ST8SIA1: variants seen among roughly 807,000 people sequenced by gnomAD.
ST8SIA1 encodes the protein ST8 alpha-N-acetyl-neuraminide alpha-2,8-sialyltransferase 1, also known as alpha-N-acetylneuraminide alpha-2,8-sialyltransferase.
Under a neutral mutation model 35.9 loss-of-function variants are expected in ST8SIA1, and 16 were observed. The ratio of observed to expected loss-of-function variants is 0.45; its 90% CI spans 0.30 to 0.68. The LOEUF (loss-of-function observed/expected upper bound fraction) is 0.68, where lower values mean the gene tolerates loss of function less well. Among genes scored for constraint, ST8SIA1 ranks in the 30% least tolerant of loss-of-function variants. ST8SIA1 has a pLI of 0.09. For synonymous variants in ST8SIA1, 170 were observed against 169.6 expected (o/e 1.00, Z -0.02); for missense variants, 383 against 453.6 (o/e 0.84, Z 1.41).
intron 2 of ST8SIA1, among the ~76,000 whole-genome samples, chr12:22,280,734 T>C (rs1433169632): frequency 6.6e-6 from 1 of 152,262 alleles, no homozygotes; most frequent in African/African-American, 2.4e-5. Context: ...TCCATTGCAC[T>C]ACCTCACTTC....
intron 2 of ST8SIA1, chr12:22,268,642 A>T (rs2135804687): frequency 6.6e-6 from 1 of 152,308 alleles, no homozygotes; most frequent in East Asian, 1.9e-4. Context: ...AGCCCGTTAT[A>T]AACCCATCAG....
intron 1 of ST8SIA1, among the ~76,000 whole-genome samples, chr12:22,294,386 AG>A (rs1866217942): frequency 6.6e-6 from 1 of 152,204 alleles, no homozygotes; most frequent in South Asian, 2.1e-4. Flanking sequence ...TATAGAGCAG[AG>A]ATTTGTATTC....
At chr12:22,321,833 GC>G (rs1481500328) in intron 1 of ST8SIA1, among the ~76,000 whole-genome samples, 1 of 152,162 alleles carries the variant, frequency 6.6e-6, no homozygotes, top group Non-Finnish European at 1.5e-5. Flanking sequence ...CTTGCTGCCG[GC>G]CCCTCCACTT....
intron 4 of ST8SIA1, among the ~76,000 whole-genome samples, chr12:22,217,263 T>C (rs1379619756): frequency 2.6e-5 from 4 of 152,218 alleles, no homozygotes; most frequent in Non-Finnish European, 4.4e-5. Flanking sequence ...TAAGTTTCTT[T>C]ATATGAAATT....
At chr12:22,309,516 T>C (rs181966771) in intron 1 of ST8SIA1, among the ~76,000 whole-genome samples, 2 of 152,204 alleles carry the variant, frequency 1.3e-5, no homozygotes, top group African/African-American at 4.8e-5. Flanking sequence ...TGAAGCTCAA[T>C]TGTACATGTA....
chr12:22,206,210 A>T (rs1313747873), intron 4 of ST8SIA1, among the ~76,000 whole-genome samples: 2 of 152,224 alleles, frequency 1.3e-5, no homozygotes, highest in Non-Finnish European at 2.9e-5. Flanking sequence ...AAAATAAAAA[A>T]GAAAGCAAAC....
At chr12:22,204,033 T>A (rs1383704550) in intron 4 of ST8SIA1, among the ~76,000 whole-genome samples, 2 of 152,166 alleles carry the variant, frequency 1.3e-5, no homozygotes, top group Admixed American at 1.3e-4. Context: ...GCTTTCTGCA[T>A]CCATCTCTCA....
intron 2 of ST8SIA1, among the ~76,000 whole-genome samples, chr12:22,285,877 CAAAA>C (rs1398352110): frequency 2.9e-5 from 3 of 103,632 alleles, no homozygotes; most frequent in African/African-American, 3.7e-5. Flanking sequence ...CTGTCAAAAA[CAAAA>C]AAAAAAAAAA....
chr12:22,204,863 A>G (rs1434712053), intron 4 of ST8SIA1, among the ~76,000 whole-genome samples: 1 of 152,178 alleles, frequency 6.6e-6, no homozygotes, highest in African/African-American at 2.4e-5. Context: ...CAAGAGTTTA[A>G]TGGGGTTGGT....
intron 2 of ST8SIA1, among the ~76,000 whole-genome samples, chr12:22,285,108 G>A (rs1866082333): frequency 6.6e-6 from 1 of 152,224 alleles, no homozygotes; most frequent in Non-Finnish European, 1.5e-5. Context: ...GCTTCCTGCT[G>A]AAGCATGACA....
In ST8SIA1 at chr12:22,197,038, C is replaced by T. The variant is rs1864997504; in HGVS notation, c.*4514G>A. ...CCTTTCAACTTGCCTCACCCTCCTC[C>T]TAGCACATAGTGGAATGAAGTTGCT... On this transcript the variant is annotated 3_prime_UTR_variant, in exon 5 of 5. Coordinates refer to ENST00000396037, the MANE Select transcript of ST8SIA1 (RefSeq NM_003034.4). 6.6e-6 allele frequency: 1 copy of T among 152,138 alleles called. No individual in the cohort carries two copies. Among genetic ancestry groups the T allele is most frequent in the African/African-American group, 2.4e-5 (1 of 41,404 alleles). The allele number at this position is 152,138 out of a possible 1,614,324, so 9.4% of individuals were successfully genotyped here.
At chr12:22,323,294 T>A (rs1385609474) in intron 1 of ST8SIA1, among the ~76,000 whole-genome samples, 1 of 152,198 alleles carries the variant, frequency 6.6e-6, no homozygotes, top group African/African-American at 2.4e-5. Flanking sequence ...ATTTATGCAA[T>A]CACTTTGCAC....
intron 2 of ST8SIA1, among the ~76,000 whole-genome samples, chr12:22,276,644 A>G (rs374821172): frequency 3.3e-4 from 50 of 152,250 alleles, no homozygotes; most frequent in African/African-American, 1.2e-3. Context: ...CCAGACAAGC[A>G]GGAGTGAAGT....
At chr12:22,275,737 C>T (rs1865961762) in intron 2 of ST8SIA1, among the ~76,000 whole-genome samples, 1 of 152,154 alleles carries the variant, frequency 6.6e-6, no homozygotes, top group African/African-American at 2.4e-5. Flanking sequence ...CCCCTGTCAA[C>T]AGGAAAAAGA....
At chr12:22,296,517 T>G (rs1307870001) in intron 1 of ST8SIA1, among the ~76,000 whole-genome samples, 2 of 152,190 alleles carry the variant, frequency 1.3e-5, no homozygotes, top group Non-Finnish European at 1.5e-5. Flanking sequence ...TATCCCTCTA[T>G]TAGACTCTTC....
At chr12:22,267,868 A>G (rs1865865687) in intron 2 of ST8SIA1, among the ~76,000 whole-genome samples, 1 of 152,172 alleles carries the variant, frequency 6.6e-6, no homozygotes. Context: ...CAACTCTCAG[A>G]TATGACCTGA....
intron 4 of ST8SIA1, among the ~76,000 whole-genome samples, chr12:22,246,582 G>A (rs1472330054): frequency 6.6e-6 from 1 of 152,146 alleles, no homozygotes; most frequent in African/African-American, 2.4e-5. Context: ...GAAAGAGCCA[G>A]ACCCCCCAAC....
chr12:22,328,648 A>G lies in ST8SIA1; in HGVS notation c.236+5349T>C, dbSNP rs76525223. On this transcript the variant is annotated intron_variant, in intron 1 of 4. Coordinates refer to ENST00000396037, the MANE Select transcript of ST8SIA1 (RefSeq NM_003034.4). ...GGTATTTTGAATAACTGAAAGGATT[A>G]CAATCATACATGCATGGTATAAAGA... Among the ~76,000 whole-genome samples, 1,288 of 152,352 alleles carry G rather than the reference A, an allele frequency of 8.5e-3. 16 individuals carry two copies. Among genetic ancestry groups the G allele is most frequent in the African/African-American group, 0.029 (1,215 of 41,566 alleles).
intron 2 of ST8SIA1, among the ~76,000 whole-genome samples, chr12:22,271,949 A>T (rs1036801802): frequency 6.6e-6 from 1 of 152,148 alleles, no homozygotes; most frequent in Non-Finnish European, 1.5e-5. Flanking sequence ...ACATTTTATT[A>T]CCATTATTTT....
Sources: gnomAD v4.1 joint callset for allele counts (sites outside exome capture counted in the v4.1 genomes callset) on GRCh38, gnomAD v4.1.1 for gene constraint, MANE v1.5 for transcripts, NCBI Gene and HGNC (gene_info 2026-07-23, HGNC 2026-07-21) for gene names.